OAF: variants seen among roughly 807,000 people sequenced by gnomAD.
OAF encodes the protein out at first protein homolog.
OAF carries 13 observed loss-of-function variants against 22.5 expected under a neutral mutation model. That is an observed-to-expected ratio of 0.58 (90% confidence interval 0.38 to 0.92). The LOEUF (loss-of-function observed/expected upper bound fraction) is 0.92. Among genes scored for constraint, OAF ranks in the 40% least tolerant of loss-of-function variants. The pLI, the probability that OAF is intolerant of heterozygous loss-of-function variation, is 0.00. For missense variants in OAF, 347 were observed against 381.8 expected (o/e 0.91, Z 0.76); for synonymous variants, 175 against 170.5 (o/e 1.03, Z -0.21).
intron 1 of OAF, among the ~76,000 whole-genome samples, chr11:120,211,745 C>T (rs1938152018): frequency 6.6e-6 from 1 of 152,142 alleles, no homozygotes; most frequent in African/African-American, 2.4e-5. Flanking sequence ...GCTCCCAGAG[C>T]CCCCCAGGTG....
intron 1 of OAF, among the ~76,000 whole-genome samples, chr11:120,220,421 C>T (rs557763806): frequency 6.6e-6 from 1 of 152,234 alleles, no homozygotes; most frequent in South Asian, 2.1e-4. Flanking sequence ...TCATGTATTC[C>T]TTATCAGATG....
In OAF at chr11:120,226,905, C is replaced by T; in HGVS notation, c.456C>T (p.Ala152=). The change falls in exon 3 of 4, where the codon GCC becomes GCT. Residue 152 remains alanine (A), a synonymous_variant. Coordinates refer to ENST00000328965, the MANE Select transcript of OAF (RefSeq NM_178507.4). ...TCGCTGTCAACTTCAGCCAGGGGGCCCTGCTGAGCCCCCATCTCCACAACG... is the reference window on the plus strand; with the variant it reads ...TCGCTGTCAACTTCAGCCAGGGGGCTCTGCTGAGCCCCCATCTCCACAACG... ...MDVAVNFSQG[A]LLSPHLHNVC... The T allele has an allele frequency of 6.2e-7, 1 of 1,612,046 alleles. No homozygotes were observed. The highest frequency in any genetic ancestry group is 8.5e-7 in the Non-Finnish European group (1 of 1,178,434).
Position 120,211,266 on chromosome 11 carries a change from A to G in OAF, c.-14A>G. ...GCGGCGCGCCGGGGCCGCGGACGGCAGCGGCCCCCGGGGATGCGCCTTCCC... is the reference window on the plus strand; with the variant it reads ...GCGGCGCGCCGGGGCCGCGGACGGCGGCGGCCCCCGGGGATGCGCCTTCCC... On this transcript the variant is annotated 5_prime_UTR_variant, in exon 1 of 4. Coordinates refer to ENST00000328965, the MANE Select transcript of OAF (RefSeq NM_178507.4). 3 of 1,199,572 alleles carry G rather than the reference A, an allele frequency of 2.5e-6. No individual in the cohort carries two copies. Among genetic ancestry groups the G allele is most frequent in the South Asian group, 4.0e-5 (1 of 24,830 alleles). 74.3% of individuals were successfully genotyped at this position (1,199,572 alleles called of 1,614,324 possible). A position where few individuals can be genotyped will look rare whatever the true frequency, so the allele number is the denominator to read the frequency against.
At chr11:120,217,770 G>A (rs1048661260) in intron 1 of OAF, among the ~76,000 whole-genome samples, 5 of 152,312 alleles carry the variant, frequency 3.3e-5, no homozygotes, top group South Asian at 4.1e-4. Flanking sequence ...GAGGCCCTTC[G>A]CAGAACAGAG....
intron 2 of OAF, 46 bp from the exon 3 acceptor site, chr11:120,226,770 G>A: frequency 6.5e-7 from 1 of 1,527,434 alleles, no homozygotes; most frequent in Non-Finnish European, 8.9e-7. Context: ...AGATGGACAG[G>A]GAGCATTCTG....
In OAF at chr11:120,215,284, G is replaced by T. The variant is rs1938194338; in HGVS notation, c.231+3774G>T. Among the ~76,000 whole-genome samples, 2 of 152,228 alleles carry T rather than the reference G, an allele frequency of 1.3e-5. 1 individual carries two copies. The highest frequency in any genetic ancestry group is 4.1e-4 in the South Asian group (2 of 4,826). On this transcript the variant is annotated intron_variant, in intron 1 of 3. Coordinates refer to ENST00000328965, the MANE Select transcript of OAF (RefSeq NM_178507.4). ...CAGGAGAATCGCTTGAATCCAGGAA[G>T]CGGAGGTTGCAGTGAGCCTGGATCG...
intron 1 of OAF, among the ~76,000 whole-genome samples, chr11:120,212,715 G>C (rs1335391216): frequency 1.3e-5 from 2 of 150,566 alleles, no homozygotes; most frequent in Non-Finnish European, 3.0e-5. Flanking sequence ...GTTAGCAGGG[G>C]TGAGGGGTTA....
chr11:120,223,562 C>T (rs1938309152), intron 1 of OAF, among the ~76,000 whole-genome samples: 1 of 152,210 alleles, frequency 6.6e-6, no homozygotes, highest in Non-Finnish European at 1.5e-5. Context: ...ATTTTGACAG[C>T]ATTTTGTTAT....
chr11:120,212,049 C>G (rs1443531508), intron 1 of OAF, among the ~76,000 whole-genome samples: 1 of 152,170 alleles, frequency 6.6e-6, no homozygotes, highest in Non-Finnish European at 1.5e-5. Flanking sequence ...CCTGGTCCCT[C>G]TCAAGCCGGG....
chr11:120,216,322 A>C lies in OAF; in HGVS notation c.231+4812A>C, dbSNP rs573553726. ...ACAGCACATAGATGTGGGACCGAGA[A>C]GCTTTCAGGGCCCAGTCTGCCCCTA... On this transcript the variant is annotated intron_variant, in intron 1 of 3. Transcript: ENST00000328965. Among the ~76,000 whole-genome samples, 231 of 152,308 alleles carry C rather than the reference A, an allele frequency of 1.5e-3. 1 individual carries two copies. Among genetic ancestry groups the C allele is most frequent in the African/African-American group, 5.3e-3 (222 of 41,572 alleles).
intron 1 of OAF, among the ~76,000 whole-genome samples, chr11:120,225,004 G>C (rs1028730978): frequency 6.6e-6 from 1 of 152,158 alleles, no homozygotes; most frequent in Non-Finnish European, 1.5e-5. Context: ...CTTGGACTGC[G>C]GCAATGCCAT....
In OAF at chr11:120,229,201, AG is replaced by A; in HGVS notation, c.*64del. The A allele has an allele frequency of 6.6e-7, 1 of 1,521,124 alleles. No homozygotes were observed. The highest frequency in any genetic ancestry group is 9.0e-7 in the Non-Finnish European group (1 of 1,109,968). 94.2% of individuals were successfully genotyped at this position (1,521,124 alleles called of 1,614,324 possible). A position where few individuals can be genotyped will look rare whatever the true frequency, so the allele number is the denominator to read the frequency against. Reference sequence around the variant, plus strand: ...CCCACTGCTCTTCACCAGCCACTAGAGGGGGTGGCAACCCCCACCTGAGGCC... The same window carrying A: ...CCCACTGCTCTTCACCAGCCACTAGAGGGGTGGCAACCCCCACCTGAGGCC... On this transcript the variant is annotated 3_prime_UTR_variant, in exon 4 of 4. Transcript: ENST00000328965.
intron 1 of OAF, among the ~76,000 whole-genome samples, chr11:120,218,902 C>T (rs1692868641): frequency 6.6e-6 from 1 of 151,966 alleles, no homozygotes; most frequent in Admixed American, 6.6e-5. Context: ...GATGGGAAGG[C>T]AGGGTGCCAG....
chr11:120,227,027 T>C, intron 3 of OAF, 31 bp downstream of exon 3: 1 of 1,540,496 alleles, frequency 6.5e-7, no homozygotes, highest in Non-Finnish European at 8.9e-7. Context: ...TGCCCGCTGC[T>C]GGGCGGAGGG....
At position 120,229,373 on chromosome 11, in the gene OAF, A is replaced by ACG; in HGVS notation, c.*231_*232insCG. 5 of 545,364 alleles carry ACG rather than the reference A, an allele frequency of 9.2e-6. No individual in the cohort carries two copies. The highest frequency in any genetic ancestry group is 1.7e-5 in the Non-Finnish European group (5 of 301,124). The allele number at this position is 545,364 out of a possible 1,614,324, so 33.8% of individuals were successfully genotyped here. A position where few individuals can be genotyped will look rare whatever the true frequency, so the allele number is the denominator to read the frequency against. On this transcript the variant is annotated 3_prime_UTR_variant, in exon 4 of 4. Transcript: ENST00000328965. ...CCCTGTGCCTTCCTTGCGGGCAGAG[A>ACG]GGGAGAGAAGGGCTCCCCAGATCTA...
At chr11:120,223,581 A>G (rs1016220105) in intron 1 of OAF, among the ~76,000 whole-genome samples, 10 of 152,136 alleles carry the variant, frequency 6.6e-5, no homozygotes, top group African/African-American at 2.4e-4. Flanking sequence ...ATTGTCATTG[A>G]TGACATTATT....
At chr11:120,217,478 CT>C (rs1229583322) in intron 1 of OAF, 1 of 152,240 alleles carries the variant, frequency 6.6e-6, no homozygotes, top group Admixed American at 6.5e-5. Context: ...ACTCTGGAGG[CT>C]GAGGCGGGAG....
intron 3 of OAF, among the ~76,000 whole-genome samples, chr11:120,227,713 GAA>G (rs1337315836): frequency 6.6e-6 from 1 of 152,120 alleles, no homozygotes; most frequent in East Asian, 1.9e-4. Context: ...AGGGGAGAGG[GAA>G]ATGGCGCCAT....
chr11:120,214,963 G>A (rs1277891459), intron 1 of OAF, among the ~76,000 whole-genome samples: 1 of 152,228 alleles, frequency 6.6e-6, no homozygotes, highest in Admixed American at 6.5e-5. Context: ...ACAATCACCT[G>A]GGGAGCTTTG....
Sources: allele counts gnomAD v4.1 joint callset (sites outside exome capture counted in the v4.1 genomes callset), GRCh38; gene constraint gnomAD v4.1.1; transcripts MANE v1.5; gene names NCBI Gene and HGNC (gene_info 2026-07-23, HGNC 2026-07-21).